SEMA6D: variants seen among roughly 807,000 people sequenced by gnomAD.
SEMA6D encodes the protein semaphorin-6D.
SEMA6D carries 35 observed loss-of-function variants against 106.6 expected under a neutral mutation model. The observed-to-expected ratio is 0.33, with a 90% CI of 0.25 to 0.44. The LOEUF (loss-of-function observed/expected upper bound fraction) is 0.44, where lower values mean the gene tolerates loss of function less well. Among genes scored for constraint, SEMA6D ranks in the 20% least tolerant of loss-of-function variants. SEMA6D has a pLI of 1.00. For missense variants in SEMA6D, 1,185 were observed against 1,345.9 expected, an observed-to-expected ratio of 0.88 and a Z score of 1.87; for synonymous variants, 499 against 487.7, an observed-to-expected ratio of 1.02 and a Z score of -0.31.
intron 3 of SEMA6D, among the ~76,000 whole-genome samples, chr15:47,500,319 AT>A (rs958530043): frequency 1.3e-5 from 2 of 150,408 alleles, no homozygotes; most frequent in Non-Finnish European, 1.5e-5. Flanking sequence ...GGGAAAAAAA[AT>A]ATAAAGATAC....
intron 1 of SEMA6D, among the ~76,000 whole-genome samples, chr15:47,203,469 A>G (rs950032699): frequency 6.6e-6 from 1 of 152,144 alleles, no homozygotes; most frequent in Non-Finnish European, 1.5e-5. Context: ...GAGATTGTCT[A>G]GGAGACTTTA....
chr15:47,206,540 G>A (rs774397265), intron 1 of SEMA6D, among the ~76,000 whole-genome samples: 1 of 152,128 alleles, frequency 6.6e-6, no homozygotes, highest in African/African-American at 2.4e-5. Context: ...CTCAGAGCCC[G>A]TGAAGATTTT....
Position 47,236,665 on chromosome 15 carries a change from ATAAT to A in SEMA6D, c.-239+52249_-239+52252del, listed in dbSNP as rs1172909506. Among the ~76,000 whole-genome samples, 15 of 152,272 alleles carry A rather than the reference ATAAT, an allele frequency of 9.9e-5. No homozygotes were observed. The Middle Eastern group carries it at 0.014, about 138-fold the overall frequency. On this transcript the variant is annotated intron_variant, in intron 1 of 19. Transcript: ENST00000558014. ...CTGTTGCTAGAGGTTATCAGAAAGA[ATAAT>A]TGATTGAGTGCATCCACTATAGATG...
chr15:47,205,965 T>C (rs896700815), intron 1 of SEMA6D, among the ~76,000 whole-genome samples: 11 of 152,160 alleles, frequency 7.2e-5, no homozygotes, highest in Non-Finnish European at 1.5e-4. Flanking sequence ...TCTAAAATTA[T>C]CCCATTTTAA....
At chr15:47,547,132 G>A (rs938402995) in intron 3 of SEMA6D, among the ~76,000 whole-genome samples, 6 of 151,930 alleles carry the variant, frequency 3.9e-5, no homozygotes, top group African/African-American at 1.5e-4. Flanking sequence ...AATACTTCTT[G>A]GGAAGATTAT....
intron 2 of SEMA6D, among the ~76,000 whole-genome samples, chr15:47,422,382 C>T (rs2041200858): frequency 6.6e-6 from 1 of 151,972 alleles, no homozygotes; most frequent in African/African-American, 2.4e-5. Flanking sequence ...AGTTTCCAAG[C>T]TCAGTTTCTT....
At chr15:47,263,917 T>G (rs2034194045) in intron 1 of SEMA6D, among the ~76,000 whole-genome samples, 1 of 150,116 alleles carries the variant, frequency 6.7e-6, no homozygotes, top group Admixed American at 6.7e-5. Flanking sequence ...GCAACACTAT[T>G]CACAATAGCA....
chr15:47,552,908 AT>A lies in SEMA6D; in HGVS notation c.-86-47956del, dbSNP rs1248610874. On this transcript the variant is annotated intron_variant, in intron 3 of 19. Transcript: ENST00000558014. ...TATATATAAATATATATATATATAA[AT>A]ATATATATATTTGAGATGGAGTCTC... 7.4e-3 allele frequency among the ~76,000 whole-genome samples: 813 copies of A among 109,408 alleles called. 43 individuals are homozygous for A. The highest frequency in any genetic ancestry group is 0.028 in the African/African-American group (778 of 28,150). 71.8% of individuals were successfully genotyped at this position (109,408 alleles called of 152,430 possible).
chr15:47,365,183 G>T (rs1443137969), intron 1 of SEMA6D, among the ~76,000 whole-genome samples: 1 of 152,180 alleles, frequency 6.6e-6, no homozygotes, highest in Non-Finnish European at 1.5e-5. Context: ...CTGATCATCA[G>T]GCCTTAAGAT....
In SEMA6D at chr15:47,771,301, GA is replaced by G; in HGVS notation, c.2739del (p.Ser914ArgfsTer42). ...CAGAACTTAATGCTGGATCCCATGG[GA>G]TCGATGTCTGAGGTCCCACCTAAAG... The part of the protein sequence containing the change: ...AHQNLMLDPM[G>X]SMSEVPPKVP... On this transcript the variant is annotated frameshift_variant, in exon 19 of 19. Coordinates refer to ENST00000536845, the MANE Select transcript of SEMA6D (RefSeq NM_001358351.3). LOFTEE classifies it high-confidence loss of function. 1 of 1,613,992 alleles carries G rather than the reference GA, an allele frequency of 6.2e-7. No individual in the cohort carries two copies. Among genetic ancestry groups the G allele is most frequent in the Non-Finnish European group, 8.5e-7 (1 of 1,179,974 alleles).
At chr15:47,317,253 C>A (rs1185629135) in intron 1 of SEMA6D, among the ~76,000 whole-genome samples, 1 of 151,878 alleles carries the variant, frequency 6.6e-6, no homozygotes, top group Non-Finnish European at 1.5e-5. Flanking sequence ...GGAGTTATGG[C>A]CCCTCTTTCA....
rs1411757910 is a variant in SEMA6D at position 47,508,561 on chromosome 15, A to G, written c.-87+38016A>G. On this transcript the variant is annotated intron_variant, in intron 3 of 19. Coordinates refer to the SEMA6D transcript ENST00000558014. ...GGCTCAACTTTTTAAAAGCAATTTC[A>G]ATCTGTGAACAGTGCTTGACACATC... 1.8e-4 allele frequency among the ~76,000 whole-genome samples: 27 copies of G among 152,198 alleles called. 1 individual carries two copies. The highest frequency in any genetic ancestry group is 1.8e-3 in the Admixed American group (27 of 15,290).
intron 1 of SEMA6D, among the ~76,000 whole-genome samples, chr15:47,232,644 A>G (rs2032280959): frequency 6.6e-6 from 1 of 151,734 alleles, no homozygotes; most frequent in Non-Finnish European, 1.5e-5. Flanking sequence ...AATGTTGAGC[A>G]TTTTTTAAAA....
At chr15:47,730,855 C>A in intron 1 of SEMA6D, 1 of 1,296,134 alleles carries the variant, frequency 7.7e-7, no homozygotes, top group Non-Finnish European at 1.1e-6. Context: ...CGGGATTCAC[C>A]ACTTTCTTAG....
At chr15:47,224,727 A>G (rs1202831289) in intron 1 of SEMA6D, among the ~76,000 whole-genome samples, 1 of 152,118 alleles carries the variant, frequency 6.6e-6, no homozygotes, top group African/African-American at 2.4e-5. Context: ...ACAGTTATTC[A>G]GTTGAACTGT....
At chr15:47,546,033 C>T (rs2045511428) in intron 3 of SEMA6D, among the ~76,000 whole-genome samples, 1 of 152,082 alleles carries the variant, frequency 6.6e-6, no homozygotes. Context: ...CTCACAGGGA[C>T]ACACACTCGC....
intron 4 of SEMA6D, among the ~76,000 whole-genome samples, chr15:47,615,979 T>C (rs2076999100): frequency 1.3e-5 from 2 of 152,186 alleles, no homozygotes; most frequent in Non-Finnish European, 2.9e-5. Context: ...TGAGGCCCAA[T>C]TCAAATACTT....
chr15:47,268,666 T>A (rs1390300726), intron 1 of SEMA6D, among the ~76,000 whole-genome samples: 2 of 152,190 alleles, frequency 1.3e-5, no homozygotes, highest in African/African-American at 4.8e-5. Flanking sequence ...TCTTACATAT[T>A]GTTCCTTTCC....
intron 3 of SEMA6D, among the ~76,000 whole-genome samples, chr15:47,517,617 C>G (rs1411094960): frequency 6.6e-6 from 1 of 152,064 alleles, no homozygotes; most frequent in East Asian, 1.9e-4. Context: ...CGTCTTTCTT[C>G]CTTCCCACAC....
Sources: gnomAD v4.1 joint callset for allele counts (sites outside exome capture counted in the v4.1 genomes callset) on GRCh38, gnomAD v4.1.1 for gene constraint, MANE v1.5 for transcripts, NCBI Gene and HGNC (gene_info 2026-07-23, HGNC 2026-07-21) for gene names.